BTAF1: variants seen among roughly 807,000 people sequenced by gnomAD.
The protein encoded by BTAF1 is B-TFIID TATA-box binding protein associated factor 1.
Under a neutral mutation model 227.1 loss-of-function variants are expected in BTAF1, and 38 were observed. The ratio of observed to expected loss-of-function variants is 0.17; its 90% CI spans 0.13 to 0.22. The LOEUF is 0.22. Among genes scored for constraint, BTAF1 ranks in the 10% least tolerant of loss-of-function variants. The pLI is 1.00. For missense variants in BTAF1, 1,598 were observed against 2,204.0 expected (o/e 0.73, Z 5.51); for synonymous variants, 742 against 751.9 (o/e 0.99, Z 0.21).
At chr10:91,964,301 A>G (rs1846726846) in intron 13 of BTAF1, 100 bp downstream of exon 13, 1 of 1,354,614 alleles carries the variant, frequency 7.4e-7, no homozygotes, top group African/African-American at 1.5e-5. Context: ...TTTAAGAATA[A>G]TATTATTTAA....
rs574382929 is a variant in BTAF1 at position 91,949,792 on chromosome 10, A to G, written c.401-1611A>G. On this transcript the variant is annotated intron_variant, in intron 4 of 37. Coordinates refer to ENST00000265990, the MANE Select transcript of BTAF1 (RefSeq NM_003972.3). ...GGTTTTCCCTTTCTAACTTCCTGGG[A>G]TTGTAATGGCCCCTAACTCTCTTCT... Among the ~76,000 whole-genome samples, 3 of 151,698 alleles carry G rather than the reference A, an allele frequency of 2.0e-5. No homozygotes were observed. In the South Asian group the frequency reaches 6.3e-4, roughly 32 times the overall value.
chr10:91,925,391 T>C (rs1843755042), intron 1 of BTAF1, among the ~76,000 whole-genome samples: 1 of 152,150 alleles, frequency 6.6e-6, no homozygotes, highest in South Asian at 2.1e-4. Flanking sequence ...CAGGTAATAG[T>C]GTTTAAGGAG....
At chr10:91,934,718 T>A (rs1844490613) in intron 1 of BTAF1, among the ~76,000 whole-genome samples, 1 of 152,198 alleles carries the variant, frequency 6.6e-6, no homozygotes, top group Non-Finnish European at 1.5e-5. Flanking sequence ...AAGTGTACCC[T>A]GAATTGCAAC....
At chr10:91,949,993 T>C (rs1057328570) in intron 4 of BTAF1, among the ~76,000 whole-genome samples, 1 of 151,768 alleles carries the variant, frequency 6.6e-6, no homozygotes, top group Non-Finnish European at 1.5e-5. Flanking sequence ...TAAAAAAAAA[T>C]TAGCCAGGAA....
In BTAF1 at chr10:91,928,760, T is replaced by TCCCCCCCCC. The variant is rs60208547; in HGVS notation, c.14+4675_14+4683dup. On this transcript the variant is annotated intron_variant, in intron 1 of 37. Coordinates refer to ENST00000265990, the MANE Select transcript of BTAF1 (RefSeq NM_003972.3). ...GCCTGGGCAACAGAGCAAGAATCCA[T>TCCCCCCCCC]CCCCCCCCCCCCCGCCCCCCAAAAA... is the stretch of plus-strand genomic sequence containing the variant. Among the ~76,000 whole-genome samples the TCCCCCCCCC allele has an allele frequency of 4.5e-4, 50 of 111,844 alleles. 4 individuals are homozygous for TCCCCCCCCC. The highest frequency in any genetic ancestry group is 1.7e-3 in the African/African-American group (40 of 23,038). The allele number at this position is 111,844 out of a possible 152,430, so 73.4% of individuals were successfully genotyped here. A position where few individuals can be genotyped will look rare whatever the true frequency, so the allele number is the denominator to read the frequency against.
At chr10:91,967,827 T>C (rs1272733693) in intron 14 of BTAF1, among the ~76,000 whole-genome samples, 2 of 152,208 alleles carry the variant, frequency 1.3e-5, no homozygotes, top group Non-Finnish European at 2.9e-5. Context: ...ATGTAGACCC[T>C]TTGAAGTTAC....
At chr10:91,973,357 G>C (rs1297104646) in intron 14 of BTAF1, among the ~76,000 whole-genome samples, 1 of 152,220 alleles carries the variant, frequency 6.6e-6, no homozygotes, top group Non-Finnish European at 1.5e-5. Flanking sequence ...GTGAGATAAT[G>C]TGTATGAAAG....
chr10:91,927,984 T>C (rs1051225348), intron 1 of BTAF1, among the ~76,000 whole-genome samples: 22 of 145,872 alleles, frequency 1.5e-4, no homozygotes, highest in East Asian at 7.8e-4. Context: ...TTTTTTCTTT[T>C]TTTTTTTTTT....
chr10:91,925,710 C>T (rs1248992463), intron 1 of BTAF1, among the ~76,000 whole-genome samples: 1 of 152,108 alleles, frequency 6.6e-6, no homozygotes, highest in Admixed American at 6.5e-5. Flanking sequence ...ACGGGTTTCA[C>T]CGTGTTAGCC....
At chr10:91,958,093 G>C (rs892966944) in intron 8 of BTAF1, among the ~76,000 whole-genome samples, 1 of 152,210 alleles carries the variant, frequency 6.6e-6, no homozygotes, top group Middle Eastern at 3.4e-3. Flanking sequence ...CTGTCTCCCA[G>C]GCTGAAGTGC....
chr10:91,966,564 A>T, intron 13 of BTAF1, 73 bp from the exon 14 acceptor site: 1 of 1,502,740 alleles, frequency 6.7e-7, no homozygotes. Flanking sequence ...AGATCCCATG[A>T]GAATATTTAG....
At chr10:91,942,653 G>C (rs1028751329) in intron 4 of BTAF1, 85 bp downstream of exon 4, 4 of 1,392,162 alleles carry the variant, frequency 2.9e-6, no homozygotes. Context: ...TTAGTCACAC[G>C]TAAACTAACA....
chr10:92,022,566 C>T (rs183720884), intron 34 of BTAF1, among the ~76,000 whole-genome samples: 8 of 152,156 alleles, frequency 5.3e-5, no homozygotes, highest in South Asian at 2.1e-4. Context: ...TACAGGTGTG[C>T]GCTACCACAC....
At chr10:91,961,688 G>A (rs2133901326) in intron 11 of BTAF1, among the ~76,000 whole-genome samples, 1 of 152,266 alleles carries the variant, frequency 6.6e-6, no homozygotes, top group East Asian at 1.9e-4. Flanking sequence ...GAAATGGAAA[G>A]CACCTTATTT....
rs1846302415 is a variant in BTAF1, at chr10:91,959,082, C to T, written c.918C>T (p.Gly306=). The change falls in exon 9 of 38, where the codon GGC becomes GGT. Residue 306 remains glycine, a synonymous_variant. Transcript: ENST00000265990. The stretch of plus-strand genomic sequence containing the variant: ...CTTTTCAGGTTCGACATGGTGCAGG[C>T]ACTGGACTTAGGGAAATTCTTAAAG... ...NPSWEVRHGA[G]TGLREILKAH... 1 of 1,613,936 alleles carries T rather than the reference C, an allele frequency of 6.2e-7. No homozygotes were observed. Among genetic ancestry groups the T allele is most frequent in the African/African-American group, 1.3e-5 (1 of 74,920 alleles).
chr10:92,003,829 GTTTTCCATAATGCTGTACTAA>G (rs1849707269), intron 25 of BTAF1, among the ~76,000 whole-genome samples: 1 of 152,140 alleles, frequency 6.6e-6, no homozygotes, highest in Non-Finnish European at 1.5e-5. Flanking sequence ...CATCCATACT[GTTTTCCATAATGCTGTACTAA>G]TTTACATTCC....
At chr10:91,942,966 C>T (rs1845112102) in intron 4 of BTAF1, among the ~76,000 whole-genome samples, 1 of 152,116 alleles carries the variant, frequency 6.6e-6, no homozygotes, top group Middle Eastern at 3.2e-3. Context: ...GTTTTTATCA[C>T]ATATTTCTGA....
At chr10:91,943,596 TTAGTA>T (rs1177024825) in intron 4 of BTAF1, among the ~76,000 whole-genome samples, 1 of 152,180 alleles carries the variant, frequency 6.6e-6, no homozygotes, top group Admixed American at 6.5e-5. Flanking sequence ...TTCATCTTGT[TTAGTA>T]TGGTTTCTAT....
chr10:91,923,982 C>T lies in BTAF1; in HGVS notation c.-95C>T, dbSNP rs1253318808. 2.1e-6 allele frequency: 3 copies of T among 1,458,656 alleles called. No individual in the cohort carries two copies. The highest frequency in any genetic ancestry group is 1.5e-5 in the African/African-American group (1 of 68,340). The allele number at this position is 1,458,656 out of a possible 1,614,324, so 90.4% of individuals were successfully genotyped here. On this transcript the variant is annotated 5_prime_UTR_variant, in exon 1 of 38. Coordinates refer to ENST00000265990, the MANE Select transcript of BTAF1 (RefSeq NM_003972.3). ...GCACCGGCCGCTCCCCTGTGCTCCG[C>T]GGCCTGGGCCTGCGCCGCTCAGCTC...
Sources: allele counts gnomAD v4.1 joint callset (sites outside exome capture counted in the v4.1 genomes callset), GRCh38; gene constraint gnomAD v4.1.1; transcripts MANE v1.5; gene names NCBI Gene and HGNC (gene_info 2026-07-23, HGNC 2026-07-21).